Variants in SLCO1B3 observed in about 807,000 individuals in gnomAD.
SLCO1B3 encodes liver-specific organic anion transporter 2.
A neutral mutation model predicts 71.8 loss-of-function variants in SLCO1B3; 72 were observed. The observed-to-expected ratio is 1.00, with a 90% CI of 0.83 to 1.22. The LOEUF is 1.22. Ranked by LOEUF, SLCO1B3 falls within the 50% of genes most tolerant of loss-of-function variation. SLCO1B3 has a pLI of 0.00. For synonymous variants in SLCO1B3, 298 were observed against 278.4 expected (o/e 1.07, Z -0.70); for missense variants, 911 against 819.7 (o/e 1.11, Z -1.36).
chr12:20,861,595 G>A (rs950484827), intron 6 of SLCO1B3, among the ~76,000 whole-genome samples: 2 of 152,036 alleles, frequency 1.3e-5, no homozygotes, highest in African/African-American at 4.8e-5. Context: ...AAATAAAAAA[G>A]CAGAAAGTGG....
chr12:20,837,743 T>A (rs541624339), intron 3 of SLCO1B3, among the ~76,000 whole-genome samples: 2 of 152,320 alleles, frequency 1.3e-5, no homozygotes, highest in South Asian at 4.1e-4. Context: ...GTGGTCTTTC[T>A]TGGTGAATGT....
chr12:20,906,620 A>C (rs888763647), intron 15 of SLCO1B3, among the ~76,000 whole-genome samples: 7 of 152,282 alleles, frequency 4.6e-5, no homozygotes, highest in East Asian at 1.9e-4. Context: ...TTTCTGGTAA[A>C]ACTAAAATTG....
chr12:20,812,090 A>T (rs1218995202), intron 1 of SLCO1B3, among the ~76,000 whole-genome samples: 3 of 151,978 alleles, frequency 2.0e-5, no homozygotes, highest in Non-Finnish European at 4.4e-5. Context: ...TATTTTTGGC[A>T]GAAATGGGGT....
chr12:20,811,964 A>G (rs577688641), intron 1 of SLCO1B3, among the ~76,000 whole-genome samples: 7 of 143,364 alleles, frequency 4.9e-5, no homozygotes, highest in East Asian at 4.2e-4. Context: ...CTGGAGTGCA[A>G]TGGCGTGATT....
At chr12:20,845,004 C>T (rs551583973) in intron 3 of SLCO1B3, 8 of 232,190 alleles carry the variant, frequency 3.4e-5, no homozygotes, top group East Asian at 1.4e-4. Flanking sequence ...CACTCCAGTC[C>T]ATGTGACAGA....
intron 8 of SLCO1B3, among the ~76,000 whole-genome samples, chr12:20,863,768 T>C (rs1455104273): frequency 6.6e-6 from 1 of 152,172 alleles, no homozygotes; most frequent in East Asian, 1.9e-4. Flanking sequence ...TAGAAAAACA[T>C]CATCTAACAT....
chr12:20,872,459 A>C (rs2121284498), intron 8 of SLCO1B3, among the ~76,000 whole-genome samples: 1 of 152,014 alleles, frequency 6.6e-6, no homozygotes, highest in South Asian at 2.1e-4. Context: ...TGCAAGACAA[A>C]GTCGCCTTTA....
At chr12:20,881,087 T>C in intron 12 of SLCO1B3, 67 bp downstream of exon 12, 1 of 1,156,854 alleles carries the variant, frequency 8.6e-7, no homozygotes, top group Non-Finnish European at 1.2e-6. Context: ...TAATAAATAC[T>C]TATCAAATCT....
intron 3 of SLCO1B3, among the ~76,000 whole-genome samples, chr12:20,852,269 G>T (rs1865040561): frequency 6.6e-6 from 1 of 152,154 alleles, no homozygotes; most frequent in Non-Finnish European, 1.5e-5. Context: ...GAGGCCAGAA[G>T]TTTGAGACTA....
At chr12:20,815,596 A>C (rs1385119800) in intron 2 of SLCO1B3, 78 bp from the exon 3 acceptor site, 1 of 587,286 alleles carries the variant, frequency 1.7e-6, no homozygotes, top group African/African-American at 1.9e-5. Context: ...ATTGATTGAT[A>C]TTGAGCTTGT....
At chr12:20,895,516 G>T (rs1242043905) in intron 13 of SLCO1B3, among the ~76,000 whole-genome samples, 3 of 152,164 alleles carry the variant, frequency 2.0e-5, no homozygotes, top group Non-Finnish European at 2.9e-5. Context: ...GATCTCCTTT[G>T]ACTCCATGTC....
At position 20,861,146 on chromosome 12, in the gene SLCO1B3, T is replaced by G. The variant is rs374252674; in HGVS notation, c.481+8T>G. The G allele has an allele frequency of 1.1e-5, 17 of 1,567,342 alleles. No homozygotes were observed. The East Asian group carries it at 2.3e-4, about 21-fold the overall frequency. ...CTGAGATAGTAGAAAAAGGTAAGAA[T>G]TAATAGTGACAGTAAAACAAATTCT... On this transcript the variant is annotated splice_region_variant and intron_variant, in intron 6 of 15. Transcript: ENST00000381545.
Position 20,862,576 on chromosome 12 carries a change from T to A in SLCO1B3, c.628+18T>A, listed in dbSNP as rs761034502. 3.2e-6 allele frequency: 5 copies of A among 1,576,006 alleles called. No individual in the cohort carries two copies. The South Asian group carries it at 3.5e-5, about 11-fold the overall frequency. ...GTATTTAGGTAACGTACAGAATATA[T>A]TAAATTTCATGATTACATTCCCTGG... On this transcript the variant is annotated intron_variant, in intron 7 of 15. Coordinates refer to ENST00000381545, the MANE Select transcript of SLCO1B3 (RefSeq NM_019844.4).
chr12:20,898,034 T>TAA (rs1165826567), intron 13 of SLCO1B3, among the ~76,000 whole-genome samples: 1 of 152,106 alleles, frequency 6.6e-6, no homozygotes, highest in Non-Finnish European at 1.5e-5. Context: ...AATAAGGTGG[T>TAA]AAAAAGAGGT....
chr12:20,832,169 T>G (rs374488826), intron 3 of SLCO1B3, among the ~76,000 whole-genome samples: 20 of 152,306 alleles, frequency 1.3e-4, no homozygotes, highest in South Asian at 1.0e-3. Context: ...TTATTCCATA[T>G]TATTCAGTAT....
At chr12:20,878,719 TA>T (rs1865631561) in intron 10 of SLCO1B3, among the ~76,000 whole-genome samples, 1 of 152,156 alleles carries the variant, frequency 6.6e-6, no homozygotes, top group African/African-American at 2.4e-5. Flanking sequence ...TGACTCCCAA[TA>T]ACCTGGCTTG....
At chr12:20,902,380 A>G (rs1341641693) in intron 15 of SLCO1B3, 6 of 152,478 alleles carry the variant, frequency 3.9e-5, no homozygotes, top group Non-Finnish European at 7.3e-5. Context: ...GTGGGATGGT[A>G]TCTGATTGTA....
At chr12:20,831,131 G>A (rs12296918) in intron 3 of SLCO1B3, among the ~76,000 whole-genome samples, 3,972 of 152,164 alleles carry the variant, frequency 0.026, 135 homozygotes, top group East Asian at 0.12. Flanking sequence ...GGCCGAGGCT[G>A]GCAGATCACG....
At chr12:20,908,068 C>A (rs1298899316) in intron 15 of SLCO1B3, among the ~76,000 whole-genome samples, 2 of 152,000 alleles carry the variant, frequency 1.3e-5, no homozygotes, top group Non-Finnish European at 2.9e-5. Flanking sequence ...AACTGTACTA[C>A]TTCTTTTTCC....
Sources: gnomAD v4.1 joint callset for allele counts (sites outside exome capture counted in the v4.1 genomes callset) on GRCh38, gnomAD v4.1.1 for gene constraint, MANE v1.5 for transcripts, NCBI Gene and HGNC (gene_info 2026-07-23, HGNC 2026-07-21) for gene names.